Variants in FAT1 observed in about 807,000 individuals in gnomAD.
The protein encoded by FAT1 is FAT atypical cadherin 1.
FAT1 carries 171 observed loss-of-function variants against 329.8 expected under a neutral mutation model. The ratio of observed to expected loss-of-function variants is 0.52; its 90% CI spans 0.46 to 0.59. The LOEUF (loss-of-function observed/expected upper bound fraction) is 0.59, where lower values mean the gene tolerates loss of function less well. FAT1 is among the 20% of genes least tolerant of loss of function. The pLI, the probability that FAT1 is intolerant of heterozygous loss-of-function variation, is 0.00. For synonymous variants in FAT1, 2,233 were observed against 2,228.6 expected (o/e 1.00, Z -0.06); for missense variants, 5,672 against 5,774.4 (o/e 0.98, Z 0.57).
At chr4:186,715,663 T>C (rs527519763) in intron 1 of FAT1, among the ~76,000 whole-genome samples, 30 of 152,300 alleles carry the variant, frequency 2.0e-4, no homozygotes, top group African/African-American at 6.5e-4. Flanking sequence ...CTTATGGAAA[T>C]TAAACTCCAA....
chr4:186,684,137 T>C (rs551459232), intron 2 of FAT1, among the ~76,000 whole-genome samples: 44 of 152,362 alleles, frequency 2.9e-4, no homozygotes, highest in African/African-American at 7.9e-4. Flanking sequence ...TTTACTGTAT[T>C]TAAGAATGTA....
chr4:186,649,140 C>T (rs1009851642), intron 3 of FAT1, among the ~76,000 whole-genome samples: 5 of 152,002 alleles, frequency 3.3e-5, no homozygotes, highest in African/African-American at 4.8e-5. Flanking sequence ...CCGGGAGAGC[C>T]CACCTGAAGA....
intron 3 of FAT1, among the ~76,000 whole-genome samples, chr4:186,643,099 A>G (rs1289188615): frequency 6.6e-6 from 1 of 152,208 alleles, no homozygotes. Flanking sequence ...TGGAATTTAA[A>G]TTAATTAAAA....
At chr4:186,616,665 G>A (rs1055207094) in intron 11 of FAT1, among the ~76,000 whole-genome samples, 4 of 152,144 alleles carry the variant, frequency 2.6e-5, no homozygotes, top group African/African-American at 9.7e-5. Context: ...CTCACGGCAC[G>A]TCGGCACTTT....
At chr4:186,712,029 T>C (rs760736583) in intron 1 of FAT1, among the ~76,000 whole-genome samples, 1 of 152,258 alleles carries the variant, frequency 6.6e-6, no homozygotes, top group Non-Finnish European at 1.5e-5. Context: ...TCATCCATTG[T>C]ACAACAAAAT....
chr4:186,661,862 G>A (rs748215755), intron 3 of FAT1, among the ~76,000 whole-genome samples: 10 of 152,180 alleles, frequency 6.6e-5, no homozygotes, highest in South Asian at 2.1e-4. Context: ...CAGAGGCCTC[G>A]GCTTGCAACT....
chr4:186,698,864 G>A (rs1030578397), intron 2 of FAT1, among the ~76,000 whole-genome samples: 1 of 152,252 alleles, frequency 6.6e-6, no homozygotes, highest in East Asian at 1.9e-4. Flanking sequence ...TGTATTGTCA[G>A]AATGCCTCCT....
At chr4:186,686,878 C>A (rs1318367603) in intron 2 of FAT1, among the ~76,000 whole-genome samples, 1 of 152,128 alleles carries the variant, frequency 6.6e-6, no homozygotes, top group Non-Finnish European at 1.5e-5. Context: ...AACTTATATT[C>A]TTGATTTCAA....
chr4:186,634,218 G>A (rs988910267), intron 6 of FAT1, among the ~76,000 whole-genome samples: 1 of 152,030 alleles, frequency 6.6e-6, no homozygotes, highest in Non-Finnish European at 1.5e-5. Flanking sequence ...TGAGCAAATT[G>A]ACCTAATAAA....
At chr4:186,627,505 C>T (rs1410184696) in intron 9 of FAT1, among the ~76,000 whole-genome samples, 2 of 151,908 alleles carry the variant, frequency 1.3e-5, no homozygotes, top group South Asian at 2.1e-4. Flanking sequence ...CGGAACCGTC[C>T]AGGACCGCAG....
intron 6 of FAT1, among the ~76,000 whole-genome samples, chr4:186,634,739 T>G (rs1740751804): frequency 6.6e-6 from 1 of 152,280 alleles, no homozygotes. Context: ...AGATACCTTC[T>G]GCTGTACAGG....
rs142057401 is a variant in FAT1, at chr4:186,588,632, G to A, written c.13727C>T (p.Thr4576Met). 3,131 of 1,613,450 alleles carry A rather than the reference G, an allele frequency of 1.9e-3. 47 individuals carry two copies. The African/African-American group carries it at 0.036, about 18-fold the overall frequency. ...SGDDGHFEEVTIPPLDSQQHT... is the reference protein window; with the variant it reads ...SGDDGHFEEVMIPPLDSQQHT... Reference sequence around the variant, plus strand: ...CTGCTGGGAATCCAGGGGCGGGATCGTCACCTCTTCGAAGTGGCCGTCGTC... The same window carrying A: ...CTGCTGGGAATCCAGGGGCGGGATCATCACCTCTTCGAAGTGGCCGTCGTC... The change falls in exon 27 of 27, where the codon ACG becomes ATG. Residue 4576 changes from threonine (T) to methionine (M), a missense_variant. Thr to Met is a moderately conservative substitution (Grantham distance 81). Coordinates refer to ENST00000441802, the MANE Select transcript of FAT1 (RefSeq NM_005245.4).
chr4:186,709,846 C>G lies in FAT1; in HGVS notation c.-18-1G>C, dbSNP rs2126707119. 1 of 1,574,676 alleles carries G rather than the reference C, an allele frequency of 6.4e-7. No homozygotes were observed. Among genetic ancestry groups the G allele is most frequent in the Non-Finnish European group, 8.6e-7 (1 of 1,156,442 alleles). On this transcript the variant is annotated splice_acceptor_variant, in intron 1 of 26. Transcript: ENST00000441802. LOFTEE classifies it low-confidence loss of function (5UTR_SPLICE). The stretch of plus-strand genomic sequence containing the variant: ...TCCCCATTGCTTAACTGTCGGGAAT[C>G]TGAAACAGAAGAAATCAGAATCGTT...
rs1412827006 is a variant in FAT1, at chr4:186,609,930, A to C, written c.9939T>G (p.Pro3313=). Residue 3313 remains proline (P), a synonymous_variant, in exon 15 of 27, where the codon CCT becomes CCG. Coordinates refer to ENST00000441802, the MANE Select transcript of FAT1 (RefSeq NM_005245.4). ...TCACAGTGGCAACGTCGCTCAGTGA[A>C]GGCGTGCCTCCATCAGTGGCCTCTA... The part of the protein sequence containing the change: ...LTVEATDGGT[P]SLSDVATVNV... The C allele has an allele frequency of 1.9e-6, 3 of 1,613,114 alleles. No homozygotes were observed. The highest frequency in any genetic ancestry group is 2.5e-6 in the Non-Finnish European group (3 of 1,179,192).
At chr4:186,637,125 G>A (rs1740870426) in intron 4 of FAT1, among the ~76,000 whole-genome samples, 1 of 152,056 alleles carries the variant, frequency 6.6e-6, no homozygotes, top group African/African-American at 2.4e-5. Context: ...CAGGGGGCCG[G>A]GCATGGCTAA....
Position 186,671,215 on chromosome 4 carries a change from T to G in FAT1, c.3266-7602A>C, listed in dbSNP as rs189140537. Reference sequence around the variant, plus strand: ...AATATTTCCACATCTTGATGATACCTTGAGAGCCTAATGTGTGTATAAGAA... The same window carrying G: ...AATATTTCCACATCTTGATGATACCGTGAGAGCCTAATGTGTGTATAAGAA... On this transcript the variant is annotated intron_variant, in intron 2 of 26. Coordinates refer to ENST00000441802, the MANE Select transcript of FAT1 (RefSeq NM_005245.4). Among the ~76,000 whole-genome samples, 7 of 152,258 alleles carry G rather than the reference T, an allele frequency of 4.6e-5. No individual in the cohort carries two copies. In the South Asian group the frequency reaches 1.5e-3, roughly 32 times the overall value.
In FAT1 at chr4:186,588,729, C is replaced by T. The variant is rs769964561; in HGVS notation, c.13630G>A (p.Ala4544Thr). Residue 4544 changes from alanine to threonine, a missense_variant, in exon 27 of 27, where the codon GCC (alanine) becomes ACC (threonine). Physicochemically the swap from Ala to Thr is moderately conservative, Grantham distance 58. Coordinates refer to ENST00000441802, the MANE Select transcript of FAT1 (RefSeq NM_005245.4). The stretch of plus-strand genomic sequence containing the variant: ...CAGGCTGACACGTCAGAGCAGGAGG[C>T]GGTGGAGGCGTACACAGACATGGGC... ...SMPMSVYAST[A>T]SCSDVSACCE... 6.8e-6 allele frequency: 11 copies of T among 1,613,844 alleles called. No individual in the cohort carries two copies. In the African/African-American group the frequency reaches 9.3e-5, roughly 14 times the overall value.
Position 186,596,687 on chromosome 4 carries a change from T to C in FAT1, c.12853A>G (p.Ser4285Gly), listed in dbSNP as rs1462883889. 6.2e-7 allele frequency: 1 copy of C among 1,613,274 alleles called. No homozygotes were observed. The change falls in exon 25 of 27, where the codon AGC (serine) becomes GGC (glycine). Residue 4285 changes from serine to glycine, a missense_variant. Transcript: ENST00000441802. This position sits in a 1 kb window ranked among gnomAD's most constrained non-coding sequence, Gnocchi z 4.7. ...TGCACAGACTCGGGGTTAAAAGTGCTGAATTCGGGATGCTCTGGGATAGCA... is the reference window on the plus strand; with the variant it reads ...TGCACAGACTCGGGGTTAAAAGTGCCGAATTCGGGATGCTCTGGGATAGCA... Reference protein sequence around the residue: ...GSAIPEHPEFSTFNPESVHGH... With the variant: ...GSAIPEHPEFGTFNPESVHGH...
chr4:186,601,421 A>G lies in FAT1; in HGVS notation c.11488T>C (p.Ser3830Pro). ...SGRFGQCPGS[S>P]SMTLTGNSYV... ...CTGTTTCCAGTCAGTGTCATAGATG[A>G]ACTCCCTGTGAATCACACAGAGGAA... Residue 3830 changes from serine to proline, a missense_variant, in exon 21 of 27, where the codon TCA becomes CCA. Ser to Pro is a moderately conservative substitution (Grantham distance 74). Around this residue, in one of 2 missense-constraint regions of FAT1, gnomAD observed 1,706 missense variants for 1,859.1 expected, o/e 0.92. Coordinates refer to ENST00000441802, the MANE Select transcript of FAT1 (RefSeq NM_005245.4). 6.2e-7 allele frequency: 1 copy of G among 1,609,876 alleles called. No individual in the cohort carries two copies. The highest frequency in any genetic ancestry group is 8.5e-7 in the Non-Finnish European group (1 of 1,176,498).
Sources: gnomAD v4.1 joint callset for allele counts (sites outside exome capture counted in the v4.1 genomes callset) on GRCh38, gnomAD v4.1.1 for gene constraint, gnomAD v4.1.1 regional missense constraint, Gnocchi (gnomAD v3.1) non-coding constraint, MANE v1.5 for transcripts, NCBI Gene and HGNC (gene_info 2026-07-23, HGNC 2026-07-21) for gene names.